The following MCTP1 variants were observed in gnomAD, a reference collection of about 807,000 sequenced individuals.
The protein encoded by MCTP1 is multiple C2 and transmembrane domain containing 1, also known as multiple C2 and transmembrane domain-containing protein 1.
A neutral mutation model predicts 120.6 loss-of-function variants in MCTP1; 69 were observed. That is an observed-to-expected ratio of 0.57 (90% CI 0.47 to 0.70). MCTP1 has a LOEUF of 0.70. Ranked by LOEUF, MCTP1 falls within the 30% of genes least tolerant of loss-of-function variation. The pLI is 0.00. For missense variants in MCTP1, 1,203 were observed against 1,248.8 expected, an observed-to-expected ratio of 0.96 and a Z score of 0.55; for synonymous variants, 529 against 493.1, an observed-to-expected ratio of 1.07 and a Z score of -0.96.
At chr5:95,206,525 C>T (rs1163101952) in intron 1 of MCTP1, among the ~76,000 whole-genome samples, 1 of 152,154 alleles carries the variant, frequency 6.6e-6, no homozygotes, top group Non-Finnish European at 1.5e-5. Flanking sequence ...ATTTCTATCT[C>T]TCATTTTATA....
chr5:95,269,493 A>C (rs1391154640), intron 1 of MCTP1, among the ~76,000 whole-genome samples: 2 of 152,252 alleles, frequency 1.3e-5, no homozygotes, highest in African/African-American at 4.8e-5. Flanking sequence ...GCCTGCAAAT[A>C]AACAAACTAA....
At chr5:95,249,096 G>A (rs1344022477) in intron 1 of MCTP1, among the ~76,000 whole-genome samples, 1 of 152,142 alleles carries the variant, frequency 6.6e-6, no homozygotes, top group African/African-American at 2.4e-5. Context: ...CAGGACATAG[G>A]CATGAGTAAA....
rs763722969 is a variant in MCTP1 at position 94,940,110 on chromosome 5, G to A, written c.1147C>T (p.Pro383Ser). The change falls in exon 5 of 23, where the codon CCT becomes TCT. Residue 383 changes from proline to serine, a missense_variant. Physicochemically the swap from Pro to Ser is moderately conservative, Grantham distance 74. This residue lies in a region of MCTP1 where 740 missense variants were observed against 871.1 expected (regional missense o/e 0.85). Coordinates refer to ENST00000515393, the MANE Select transcript of MCTP1 (RefSeq NM_024717.7). ...ACATCCCTGGACTCTCCTTCTTTAGGGGTAAGGATGACTGAGAGCAAAATG... is the reference window on the plus strand; with the variant it reads ...ACATCCCTGGACTCTCCTTCTTTAGAGGTAAGGATGACTGAGAGCAAAATG... Reference protein sequence around the residue: ...GIILLSVILTPKEGESRDVTM... With the variant: ...GIILLSVILTSKEGESRDVTM... 6.2e-7 allele frequency: 1 copy of A among 1,606,782 alleles called. No homozygotes were observed. The highest frequency in any genetic ancestry group is 8.5e-7 in the Non-Finnish European group (1 of 1,174,694).
intron 7 of MCTP1, among the ~76,000 whole-genome samples, chr5:94,920,593 T>A (rs549743764): frequency 4.0e-5 from 6 of 151,718 alleles, no homozygotes; most frequent in Non-Finnish European, 8.8e-5. Flanking sequence ...TACAAAAAAA[T>A]CAGCCAGGCT....
chr5:94,879,716 A>T (rs1799657089), intron 12 of MCTP1, among the ~76,000 whole-genome samples: 1 of 152,166 alleles, frequency 6.6e-6, no homozygotes, highest in Non-Finnish European at 1.5e-5. Flanking sequence ...CACTCATGAA[A>T]GAATAAGAAT....
chr5:94,934,976 A>G (rs538542357), intron 5 of MCTP1, among the ~76,000 whole-genome samples: 2 of 152,080 alleles, frequency 1.3e-5, no homozygotes, highest in Non-Finnish European at 2.9e-5. Context: ...AAATTGCCAT[A>G]TATAGGACAC....
chr5:94,847,678 G>GTATATATA (rs1477204214), intron 17 of MCTP1, among the ~76,000 whole-genome samples: 49 of 130,612 alleles, frequency 3.8e-4, no homozygotes, highest in African/African-American at 1.5e-3. Context: ...GTGTGTGTGT[G>GTATATATA]TGTGTATATA....
rs116314114 is a variant in MCTP1, at chr5:94,708,590, T to C, written c.2850A>G (p.Lys950=). The C allele has an allele frequency of 1.1e-3, 1,772 of 1,608,972 alleles. 17 individuals are homozygous for C. The African/African-American group carries it at 0.022, about 20-fold the overall frequency. Residue 950 remains lysine (K), a synonymous_variant, in exon 22 of 23, where the codon AAA becomes AAG. Transcript: ENST00000515393. The stretch of plus-strand genomic sequence containing the variant: ...CAATTGCATATGGACTCCGAAGCTT[T>C]TTTGTAAATTTATTGATGCCTGAAA... ...VLVWGINKFT[K]KLRSPYAIDN...
In MCTP1 at chr5:94,787,642, C is replaced by T. The variant is rs191592990; in HGVS notation, c.2557-8479G>A. Among the ~76,000 whole-genome samples the T allele has an allele frequency of 9.9e-3, 1,476 of 148,364 alleles. 36 individuals carry two copies. The highest frequency in any genetic ancestry group is 0.034 in the African/African-American group (1,350 of 39,620). ...TTTTTGTTTTTTTTTTTTGAGACGGCGTCTCCCTCTGTCGCCCAGGCTGGA... is the reference window on the plus strand; with the variant it reads ...TTTTTGTTTTTTTTTTTTGAGACGGTGTCTCCCTCTGTCGCCCAGGCTGGA... On this transcript the variant is annotated intron_variant, in intron 18 of 22. Transcript: ENST00000515393.
chr5:94,830,429 A>G (rs572699352), intron 17 of MCTP1, among the ~76,000 whole-genome samples: 1 of 152,356 alleles, frequency 6.6e-6, no homozygotes, highest in African/African-American at 2.4e-5. Context: ...TTTAAAAAGT[A>G]ACATTTCTTT....
At chr5:94,743,134 C>T (rs995543522) in intron 19 of MCTP1, among the ~76,000 whole-genome samples, 8 of 104,604 alleles carry the variant, frequency 7.6e-5, no homozygotes, top group Admixed American at 2.3e-4. Flanking sequence ...ACTGATGTAA[C>T]CCAATGTAAA....
intron 1 of MCTP1, among the ~76,000 whole-genome samples, chr5:95,125,916 C>G (rs1758590269): frequency 6.6e-6 from 1 of 152,182 alleles, no homozygotes; most frequent in Admixed American, 6.5e-5. Flanking sequence ...TCTTCAACTT[C>G]TCTTCAAATT....
intron 7 of MCTP1, among the ~76,000 whole-genome samples, chr5:94,920,565 C>G (rs1811336508): frequency 6.6e-6 from 1 of 151,768 alleles, no homozygotes; most frequent in African/African-American, 2.4e-5. Flanking sequence ...ACACATGAAA[C>G]CCCGTCTCTA....
At chr5:95,165,986 C>T (rs566537649) in intron 1 of MCTP1, 12 of 152,290 alleles carry the variant, frequency 7.9e-5, no homozygotes, top group African/African-American at 2.6e-4. Flanking sequence ...CATAACCCCC[C>T]ATTACCATAT....
At chr5:94,716,361 TG>T (rs1759334766) in intron 19 of MCTP1, among the ~76,000 whole-genome samples, 1 of 152,066 alleles carries the variant, frequency 6.6e-6, no homozygotes, top group African/African-American at 2.4e-5. Flanking sequence ...TGACAGACGT[TG>T]GTGCATCAAT....
chr5:94,719,392 A>C (rs1760324227), intron 19 of MCTP1, among the ~76,000 whole-genome samples: 1 of 152,250 alleles, frequency 6.6e-6, no homozygotes, highest in Non-Finnish European at 1.5e-5. Flanking sequence ...ACAAAAGCAA[A>C]GACATGGAAT....
At chr5:94,901,376 G>T (rs146656573) in intron 10 of MCTP1, among the ~76,000 whole-genome samples, 23 of 152,226 alleles carry the variant, frequency 1.5e-4, no homozygotes, top group Middle Eastern at 3.4e-3. Context: ...GGGAGCTACA[G>T]TTCAAGATGA....
chr5:94,795,507 G>A (rs1011696414), intron 18 of MCTP1, among the ~76,000 whole-genome samples: 1 of 152,174 alleles, frequency 6.6e-6, no homozygotes, highest in African/African-American at 2.4e-5. Flanking sequence ...GTTGGTACAA[G>A]CCTAATAGGC....
chr5:95,259,172 C>T (rs1274580437), intron 1 of MCTP1, among the ~76,000 whole-genome samples: 1 of 152,110 alleles, frequency 6.6e-6, no homozygotes, highest in Non-Finnish European at 1.5e-5. Context: ...TGCCAGAGGC[C>T]ACAGGAAATG....
Sources: allele counts gnomAD v4.1 joint callset (sites outside exome capture counted in the v4.1 genomes callset), GRCh38; gene constraint gnomAD v4.1.1; regional missense constraint gnomAD v4.1.1; transcripts MANE v1.5; gene names NCBI Gene and HGNC (gene_info 2026-07-23, HGNC 2026-07-21).